The following DTWD2 variants were observed in gnomAD, a reference collection of about 807,000 sequenced individuals.
DTWD2 encodes the protein tRNA-uridine aminocarboxypropyltransferase 2.
A neutral mutation model predicts 31.8 loss-of-function variants in DTWD2; 39 were observed. That is an observed-to-expected ratio of 1.22 (90% CI 0.95 to 1.60). The LOEUF (loss-of-function observed/expected upper bound fraction) is 1.60. Ranked by LOEUF, DTWD2 falls within the 40% of genes most tolerant of loss-of-function variation. The probability of loss-of-function intolerance (pLI) is 0.00; values close to 1 mark genes in which losing one functional copy is unlikely to be tolerated. For missense variants in DTWD2, 515 were observed against 381.5 expected, an observed-to-expected ratio of 1.35 and a Z score of -2.92; for synonymous variants, 180 against 142.8, an observed-to-expected ratio of 1.26 and a Z score of -1.86.
At chr5:118,848,350 T>C (rs1751910473) in intron 4 of DTWD2, 132 bp from the exon 5 acceptor site, 1 of 731,016 alleles carries the variant, frequency 1.4e-6, no homozygotes, top group African/African-American at 1.8e-5. Flanking sequence ...TCAATATCTT[T>C]TATGTATAAC....
At chr5:118,987,593 C>T (rs1380934978) in intron 1 of DTWD2, among the ~76,000 whole-genome samples, 1 of 152,186 alleles carries the variant, frequency 6.6e-6, no homozygotes. Context: ...TTTGTAATTA[C>T]ATATTTGATT....
At chr5:118,874,249 G>C (rs771400422) in intron 4 of DTWD2, among the ~76,000 whole-genome samples, 1 of 152,154 alleles carries the variant, frequency 6.6e-6, no homozygotes, top group Non-Finnish European at 1.5e-5. Context: ...CCACAAAGAT[G>C]GGAAAGAATC....
chr5:118,851,678 G>A (rs1360209775), intron 4 of DTWD2, among the ~76,000 whole-genome samples: 18 of 135,444 alleles, frequency 1.3e-4, no homozygotes, highest in African/African-American at 4.4e-4. Context: ...ATCACACACC[G>A]GGGCCTGTTG....
In DTWD2 at chr5:118,928,599, C is replaced by A; in HGVS notation, c.535G>T (p.Gly179Cys). ...VYPSTIIIID[G>C]TWSQAKDIFY... is the part of the protein sequence containing the mutation. The stretch of plus-strand genomic sequence containing the variant: ...ATGTCCTTAGCCTGGCTCCATGTAC[C>A]ATCAATGATGATGATTGTAGAAGGA... The change falls in exon 4 of 6, where the codon GGT becomes TGT. Residue 179 changes from glycine (G) to cysteine (C), a missense_variant. Gly to Cys is a radical substitution (Grantham distance 159, BLOSUM62 -3). Coordinates refer to ENST00000510708, the MANE Select transcript of DTWD2 (RefSeq NM_173666.4). 6.3e-7 allele frequency: 1 copy of A among 1,590,942 alleles called. No homozygotes were observed. Among genetic ancestry groups the A allele is most frequent in the Non-Finnish European group, 8.6e-7 (1 of 1,168,412 alleles).
At chr5:118,871,993 T>C (rs1752516094) in intron 4 of DTWD2, among the ~76,000 whole-genome samples, 1 of 152,244 alleles carries the variant, frequency 6.6e-6, no homozygotes, top group East Asian at 1.9e-4. Context: ...TTGATGCAAC[T>C]TCTACATCAG....
chr5:118,949,181 A>G (rs1754404776), intron 1 of DTWD2, among the ~76,000 whole-genome samples: 1 of 152,220 alleles, frequency 6.6e-6, no homozygotes, highest in African/African-American at 2.4e-5. Context: ...AATATTGAAT[A>G]AAGTGAGAAG....
chr5:118,975,160 CCAAT>C, intron 1 of DTWD2, among the ~76,000 whole-genome samples: 1 of 152,318 alleles, frequency 6.6e-6, no homozygotes, highest in African/African-American at 2.4e-5. Flanking sequence ...TTCACGTACA[CCAAT>C]CAAACATAGG....
intron 4 of DTWD2, among the ~76,000 whole-genome samples, chr5:118,883,351 T>A (rs1442700322): frequency 2.6e-5 from 4 of 152,212 alleles, no homozygotes; most frequent in African/African-American, 9.7e-5. Context: ...TTTTTCCACA[T>A]CTTCCTGTCT....
intron 4 of DTWD2, among the ~76,000 whole-genome samples, chr5:118,909,674 G>A (rs1428335830): frequency 1.3e-5 from 2 of 152,148 alleles, no homozygotes; most frequent in African/African-American, 2.4e-5. Context: ...AAGCCCCAGT[G>A]CCAGATCCAT....
chr5:118,928,973 A>T (rs180902958), intron 3 of DTWD2, among the ~76,000 whole-genome samples: 2 of 152,252 alleles, frequency 1.3e-5, no homozygotes, highest in Admixed American at 1.3e-4. Context: ...TTCTCTATCA[A>T]AGCTTTTCTA....
rs957108261 is a variant in DTWD2 at position 118,838,535 on chromosome 5, G to A, written c.*2382C>T. The A allele has an allele frequency of 3.3e-5, 5 of 151,906 alleles. No homozygotes were observed. Among genetic ancestry groups the A allele is most frequent in the Non-Finnish European group, 7.4e-5 (5 of 68,008 alleles). The allele number at this position is 151,906 out of a possible 1,614,324, so 9.4% of individuals were successfully genotyped here. ...GAGAACTTTTAGTAATTAAAATAAT[G>A]GCTTTTAAAACTTACTTACAACTGT... On this transcript the variant is annotated 3_prime_UTR_variant, in exon 6 of 6. Coordinates refer to ENST00000510708, the MANE Select transcript of DTWD2 (RefSeq NM_173666.4).
intron 4 of DTWD2, among the ~76,000 whole-genome samples, chr5:118,894,742 T>C (rs944739449): frequency 6.6e-6 from 1 of 152,024 alleles, no homozygotes; most frequent in African/African-American, 2.4e-5. Flanking sequence ...ACATAATACA[T>C]CACATTAACA....
At chr5:118,981,124 T>G (rs1394356758) in intron 1 of DTWD2, among the ~76,000 whole-genome samples, 2 of 152,162 alleles carry the variant, frequency 1.3e-5, no homozygotes, top group Admixed American at 6.5e-5. Context: ...ATGATTCCAC[T>G]TAAATCTAGA....
At chr5:118,973,718 C>A (rs1561478149) in intron 1 of DTWD2, 2 of 1,556,952 alleles carry the variant, frequency 1.3e-6, no homozygotes, top group South Asian at 2.2e-5. Context: ...CCGCGGACTC[C>A]GGCAGCTTTA....
Position 118,969,954 on chromosome 5 carries a change from G to T in DTWD2, c.218+18340C>A, listed in dbSNP as rs528240183. Among the ~76,000 whole-genome samples, 6 of 152,306 alleles carry T rather than the reference G, an allele frequency of 3.9e-5. No individual in the cohort carries two copies. In the South Asian group the frequency reaches 1.2e-3, roughly 32 times the overall value. On this transcript the variant is annotated intron_variant, in intron 1 of 5. Transcript: ENST00000510708. ...ATCATGATAAAACAATACAGGAGTT[G>T]ATAATGAGAACAGCCAGTTTAGAGA...
chr5:118,978,069 C>G (rs533774745), intron 1 of DTWD2, among the ~76,000 whole-genome samples: 1 of 151,916 alleles, frequency 6.6e-6, no homozygotes, highest in Non-Finnish European at 1.5e-5. Flanking sequence ...ACCATCTGAT[C>G]TTCCACAAGC....
chr5:118,900,854 G>A (rs946975977), intron 4 of DTWD2, among the ~76,000 whole-genome samples: 1 of 151,764 alleles, frequency 6.6e-6, no homozygotes, highest in Non-Finnish European at 1.5e-5. Flanking sequence ...GAACCCAGGA[G>A]GCAGAGCTTG....
At chr5:118,932,670 G>C (rs555879769) in intron 3 of DTWD2, among the ~76,000 whole-genome samples, 4 of 152,282 alleles carry the variant, frequency 2.6e-5, no homozygotes, top group Admixed American at 6.5e-5. Context: ...GGACACAAAA[G>C]AAGAGATGGC....
Position 118,950,027 on chromosome 5 carries a change from G to A in DTWD2, c.219-5378C>T, listed in dbSNP as rs1323659434. On this transcript the variant is annotated intron_variant, in intron 1 of 5. Coordinates refer to ENST00000510708, the MANE Select transcript of DTWD2 (RefSeq NM_173666.4). Reference sequence around the variant, plus strand: ...AGATCGAGACCATCCTGGCTAACATGGTGAAACCCCGTCACTATTAAAAAT... The same window carrying A: ...AGATCGAGACCATCCTGGCTAACATAGTGAAACCCCGTCACTATTAAAAAT... 4.6e-5 allele frequency among the ~76,000 whole-genome samples: 7 copies of A among 152,070 alleles called. No individual in the cohort carries two copies. In the East Asian group the frequency reaches 1.2e-3, roughly 25 times the overall value.
Sources: gnomAD v4.1 joint callset for allele counts (sites outside exome capture counted in the v4.1 genomes callset) on GRCh38, gnomAD v4.1.1 for gene constraint, MANE v1.5 for transcripts, NCBI Gene and HGNC (gene_info 2026-07-23, HGNC 2026-07-21) for gene names.